Variants in FAM117B observed in about 807,000 individuals in gnomAD.
The protein encoded by FAM117B is protein FAM117B.
In FAM117B, 22 loss-of-function variants were observed where a neutral mutation model predicts 52.8. The ratio of observed to expected loss-of-function variants is 0.42; its 90% confidence interval spans 0.30 to 0.59. The LOEUF is 0.59. Ranked by LOEUF, FAM117B falls within the 20% of genes least tolerant of loss-of-function variation. FAM117B has a pLI of 0.22. For synonymous variants in FAM117B, 309 were observed against 324.1 expected, an observed-to-expected ratio of 0.95 and a Z score of 0.50; for missense variants, 678 against 802.6, an observed-to-expected ratio of 0.84 and a Z score of 1.88.
intron 7 of FAM117B, among the ~76,000 whole-genome samples, chr2:202,759,719 G>A (rs1274256055): frequency 6.6e-6 from 1 of 151,622 alleles, no homozygotes; most frequent in African/African-American, 2.4e-5. Context: ...CACCACGCCC[G>A]GCTAATTTTT....
chr2:202,655,761 A>AGTGTGTGTGTGTGTGT (rs1182174843), intron 1 of FAM117B, among the ~76,000 whole-genome samples: 1 of 100,372 alleles, frequency 1.0e-5, no homozygotes, highest in African/African-American at 3.4e-5. Context: ...AGAGAGAGAG[A>AGTGTGTGTGTGTGTGT]GTGTGTGTGT....
chr2:202,769,348 C>CT lies in FAM117B; in HGVS notation c.*3586dup, dbSNP rs1232401573. 1 of 152,592 alleles carries CT rather than the reference C, an allele frequency of 6.6e-6. No individual in the cohort carries two copies. The highest frequency in any genetic ancestry group is 1.5e-5 in the Non-Finnish European group (1 of 68,024). 9.5% of individuals were successfully genotyped at this position (152,592 alleles called of 1,614,324 possible). ...ACTGCATTTACTTTACTATTGTAAACTTAAGATTCATTCCTTAGTCTTTGG... is the reference window on the plus strand; with the variant it reads ...ACTGCATTTACTTTACTATTGTAAACTTTAAGATTCATTCCTTAGTCTTTGG... On this transcript the variant is annotated 3_prime_UTR_variant, in exon 8 of 8. Transcript: ENST00000392238.
chr2:202,635,159 T>C lies in FAM117B; in HGVS notation c.-29T>C. ...CCCAACAACAACAAAACCCCCCGTC[T>C]CGCCCAGTCACCGGGGAGGGGGGGG... On this transcript the variant is annotated 5_prime_UTR_variant, in exon 1 of 8. Coordinates refer to ENST00000392238, the MANE Select transcript of FAM117B (RefSeq NM_173511.4). 1 of 1,258,318 alleles carries C rather than the reference T, an allele frequency of 7.9e-7. No homozygotes were observed. Among genetic ancestry groups the C allele is most frequent in the Non-Finnish European group, 1.0e-6 (1 of 1,000,936 alleles). 77.9% of individuals were successfully genotyped at this position (1,258,318 alleles called of 1,614,324 possible).
chr2:202,713,966 C>G (rs531684560), intron 2 of FAM117B, among the ~76,000 whole-genome samples: 10 of 152,344 alleles, frequency 6.6e-5, no homozygotes, highest in Admixed American at 6.5e-4. Flanking sequence ...CTTGGCCTCC[C>G]CAAGTGCTAG....
At chr2:202,679,439 TTTTCTTTAGC>T (rs1322125331) in intron 1 of FAM117B, among the ~76,000 whole-genome samples, 1 of 152,232 alleles carries the variant, frequency 6.6e-6, no homozygotes, top group Non-Finnish European at 1.5e-5. Flanking sequence ...TGAATAGGTG[TTTTCTTTAGC>T]TTTTGCTGAA....
At chr2:202,726,157 A>G (rs1691241287) in intron 3 of FAM117B, 93 bp from the exon 4 acceptor site, 5 of 778,040 alleles carry the variant, frequency 6.4e-6, no homozygotes, top group Non-Finnish European at 2.1e-6. Context: ...AGGACTTATT[A>G]AGGGTAAGTT....
chr2:202,684,738 AATAAG>A (rs1690514076), intron 1 of FAM117B, among the ~76,000 whole-genome samples: 1 of 152,184 alleles, frequency 6.6e-6, no homozygotes, highest in Admixed American at 6.5e-5. Context: ...ATATATATTA[AATAAG>A]ATGTCTTTAA....
intron 1 of FAM117B, among the ~76,000 whole-genome samples, chr2:202,636,450 T>C (rs1689687836): frequency 6.6e-6 from 1 of 152,230 alleles, no homozygotes; most frequent in Non-Finnish European, 1.5e-5. Context: ...GTGTTTTGAA[T>C]GTAGAAAAAC....
intron 1 of FAM117B, among the ~76,000 whole-genome samples, chr2:202,678,760 G>A (rs542641107): frequency 1.1e-4 from 16 of 152,236 alleles, no homozygotes; most frequent in South Asian, 2.1e-4. Context: ...GTTTCTCCAC[G>A]TTGGCCAGGC....
intron 2 of FAM117B, among the ~76,000 whole-genome samples, chr2:202,723,718 A>G (rs1277288166): frequency 6.6e-6 from 1 of 152,218 alleles, no homozygotes; most frequent in East Asian, 1.9e-4. Context: ...GAACAGTGCT[A>G]CAGGGAATAA....
chr2:202,763,661 C>T (rs562578975), intron 7 of FAM117B, among the ~76,000 whole-genome samples: 1 of 152,266 alleles, frequency 6.6e-6, no homozygotes, highest in South Asian at 2.1e-4. Context: ...TCCAAATATA[C>T]TTGTGGCACT....
chr2:202,757,065 C>A, intron 5 of FAM117B, 148 bp from the exon 6 acceptor site: 1 of 813,922 alleles, frequency 1.2e-6, no homozygotes, highest in Non-Finnish European at 1.9e-6. Flanking sequence ...AGGGATGTCA[C>A]TAACGTGCAA....
chr2:202,654,101 G>A lies in FAM117B; in HGVS notation c.601+18313G>A, dbSNP rs1186531410. Among the ~76,000 whole-genome samples, 3 of 144,422 alleles carry A rather than the reference G, an allele frequency of 2.1e-5. No homozygotes were observed. In the East Asian group the frequency reaches 6.0e-4, roughly 29 times the overall value. The allele number at this position is 144,422 out of a possible 152,430, so 94.7% of individuals were successfully genotyped here. ...AGAGAGAGAGAGAGAGAGAGAGTGA[G>A]AGTGTGTGTGTGTGTTTGTGTGTGT... On this transcript the variant is annotated intron_variant, in intron 1 of 7. Transcript: ENST00000392238.
chr2:202,666,887 C>A (rs1370957626), intron 1 of FAM117B, among the ~76,000 whole-genome samples: 1 of 151,814 alleles, frequency 6.6e-6, no homozygotes, highest in African/African-American at 2.4e-5. Flanking sequence ...CCTCGTGATC[C>A]ACCTGCCTCG....
chr2:202,727,831 C>G (rs937791554), intron 4 of FAM117B, among the ~76,000 whole-genome samples: 2 of 152,116 alleles, frequency 1.3e-5, no homozygotes, highest in African/African-American at 4.8e-5. Context: ...AGGCCAACCC[C>G]TTTTATAGTT....
chr2:202,650,786 A>C (rs1163039233), intron 1 of FAM117B, among the ~76,000 whole-genome samples: 1 of 152,126 alleles, frequency 6.6e-6, no homozygotes, highest in East Asian at 1.9e-4. Context: ...AGAAAGATGA[A>C]GGCCGGAAGA....
chr2:202,711,749 T>G (rs555776958), intron 2 of FAM117B, among the ~76,000 whole-genome samples: 1 of 152,292 alleles, frequency 6.6e-6, no homozygotes, highest in South Asian at 2.1e-4. Flanking sequence ...TCTAGTTTCA[T>G]TCTTCTGCAT....
At chr2:202,690,841 C>A (rs1313954180) in intron 1 of FAM117B, among the ~76,000 whole-genome samples, 1 of 152,152 alleles carries the variant, frequency 6.6e-6, no homozygotes, top group Admixed American at 6.6e-5. Context: ...TTTGAGTCAT[C>A]TTTGCTTCTT....
chr2:202,713,319 G>C (rs934255701), intron 2 of FAM117B, among the ~76,000 whole-genome samples: 4 of 152,160 alleles, frequency 2.6e-5, no homozygotes, highest in African/African-American at 9.7e-5. Flanking sequence ...TTGGCATATA[G>C]TTGCTCATAG....
Sources: gnomAD v4.1 joint callset for allele counts (sites outside exome capture counted in the v4.1 genomes callset) on GRCh38, gnomAD v4.1.1 for gene constraint, MANE v1.5 for transcripts, NCBI Gene and HGNC (gene_info 2026-07-23, HGNC 2026-07-21) for gene names.